Variants in POLK observed in about 807,000 individuals in gnomAD.
POLK encodes polymerase (DNA directed) kappa.
In POLK, 76 loss-of-function variants were observed where a neutral mutation model predicts 94.0. That is an observed-to-expected ratio of 0.81 (90% CI 0.67 to 0.98). The LOEUF is 0.98. POLK is among the 50% of genes least tolerant of loss of function. The pLI, the probability that POLK is intolerant of heterozygous loss-of-function variation, is 0.00. For missense variants in POLK, 954 were observed against 1,010.1 expected (o/e 0.94, Z 0.75); for synonymous variants, 349 against 325.4 (o/e 1.07, Z -0.78).
In POLK at chr5:75,534,930, A is replaced by T. The variant is rs1197268480; in HGVS notation, c.-13-12080A>T. On this transcript the variant is annotated intron_variant, in intron 1 of 14. Coordinates refer to ENST00000241436, the Ensembl canonical transcript of POLK. ...TGGATTTTGCTTCTTTATCCAAGTTATCATTCTGTCTTTTAATTGGGGTGT... is the reference window on the plus strand; with the variant it reads ...TGGATTTTGCTTCTTTATCCAAGTTTTCATTCTGTCTTTTAATTGGGGTGT... 3.3e-5 allele frequency: 5 copies of T among 152,278 alleles called. No individual in the cohort carries two copies. In the East Asian group the frequency reaches 7.7e-4, roughly 23 times the overall value. 9.4% of individuals were successfully genotyped at this position (152,278 alleles called of 1,614,324 possible). A position where few individuals can be genotyped will look rare whatever the true frequency, so the allele number is the denominator to read the frequency against.
At chr5:75,511,349 C>A (rs1157293973), upstream of POLK, 5 of 1,542,236 alleles carry the variant, frequency 3.2e-6, no homozygotes, top group African/African-American at 6.9e-5. Flanking sequence ...GGAGGAGGGA[C>A]GAAGTCCGCC....
Position 75,551,639 on chromosome 5 carries a change from TAAA to T in POLK, c.136-830_136-828del, listed in dbSNP as rs1272456504. Among the ~76,000 whole-genome samples the T allele has an allele frequency of 2.6e-5, 4 of 152,160 alleles. No homozygotes were observed. The East Asian group carries it at 5.8e-4, about 22-fold the overall frequency. Reference sequence around the variant, plus strand: ...TCAATATTATTAGTCATCAGGGAAATAAAAATTTAAAAACCACAAAGAGATGCC... The same window carrying T: ...TCAATATTATTAGTCATCAGGGAAATAATTTAAAAACCACAAAGAGATGCC... On this transcript the variant is annotated intron_variant, in intron 2 of 14. Transcript: ENST00000241436.
intron 1 of POLK, among the ~76,000 whole-genome samples, chr5:75,541,958 AAATG>A (rs1303695945): frequency 6.6e-6 from 1 of 152,216 alleles, no homozygotes; most frequent in Non-Finnish European, 1.5e-5. Flanking sequence ...CAATAAATGA[AAATG>A]AAAAAGGAAA....
At chr5:75,533,796 C>T (rs959618267) in intron 1 of POLK, among the ~76,000 whole-genome samples, 2 of 152,256 alleles carry the variant, frequency 1.3e-5, no homozygotes, top group Non-Finnish European at 2.9e-5. Context: ...CATTGTAGAG[C>T]TATTTCACCT....
intron 10 of POLK, among the ~76,000 whole-genome samples, chr5:75,587,953 T>C (rs1772559142): frequency 6.6e-6 from 1 of 152,074 alleles, no homozygotes; most frequent in Non-Finnish European, 1.5e-5. Context: ...AACACTGACC[T>C]AGTACAAGAT....
At chr5:75,524,112 G>A (rs1216742578) in intron 1 of POLK, among the ~76,000 whole-genome samples, 6 of 150,906 alleles carry the variant, frequency 4.0e-5, no homozygotes, top group Admixed American at 1.3e-4. Context: ...CCTGGGTGAC[G>A]AGTGAGACTC....
chr5:75,589,432 CACACACGT>C (rs1178216850), intron 10 of POLK, among the ~76,000 whole-genome samples: 4 of 146,316 alleles, frequency 2.7e-5, no homozygotes, highest in African/African-American at 5.0e-5. Flanking sequence ...CACACACACA[CACACACGT>C]GGAATATTTC....
At chr5:75,605,916 A>T (rs1461991238), downstream of POLK, among the ~76,000 whole-genome samples, 1 of 149,850 alleles carries the variant, frequency 6.7e-6, no homozygotes, top group African/African-American at 2.5e-5. Flanking sequence ...AGACACAGAG[A>T]CAAAGTATAG....
intron 3 of POLK, among the ~76,000 whole-genome samples, chr5:75,564,663 G>A (rs1771167849): frequency 1.3e-5 from 2 of 152,130 alleles, no homozygotes; most frequent in Admixed American, 1.3e-4. Flanking sequence ...TAATTTAGCT[G>A]GATATGAAAT....
intron 3 of POLK, among the ~76,000 whole-genome samples, chr5:75,566,142 TC>T (rs1183173781): frequency 6.6e-6 from 1 of 152,186 alleles, no homozygotes; most frequent in Non-Finnish European, 1.5e-5. Flanking sequence ...AGTTCGAACT[TC>T]CCACTGGGTT....
chr5:75,586,980 A>G lies in POLK; in HGVS notation c.1227-46A>G, dbSNP rs780723510. The stretch of plus-strand genomic sequence containing the variant: ...GTTAAATCCTCTTGGTTAACTAAAA[A>G]AAACTCAGTCTTTGAAAAATAAAGA... On this transcript the variant is annotated intron_variant, in intron 9 of 14. Coordinates refer to ENST00000241436, the Ensembl canonical transcript of POLK. 1.1e-4 allele frequency: 154 copies of G among 1,426,730 alleles called. No homozygotes were observed. In the Middle Eastern group the frequency reaches 1.2e-3, roughly 12 times the overall value. 88.4% of individuals were successfully genotyped at this position (1,426,730 alleles called of 1,614,324 possible). A position where few individuals can be genotyped will look rare whatever the true frequency, so the allele number is the denominator to read the frequency against.
intron 1 of POLK, among the ~76,000 whole-genome samples, chr5:75,518,140 G>C (rs1215556058): frequency 1.3e-5 from 2 of 152,120 alleles, no homozygotes; most frequent in African/African-American, 4.8e-5. Flanking sequence ...TGGCCTTGTA[G>C]AATGAGTTTG....
chr5:75,532,589 T>C (rs559342768), intron 1 of POLK, among the ~76,000 whole-genome samples: 18 of 152,346 alleles, frequency 1.2e-4, no homozygotes, highest in Admixed American at 1.1e-3. Flanking sequence ...GTATATTCCT[T>C]TGGATATATA....
chr5:75,595,269 A>AAAAAAAAAAAAAAAAAAAC (rs1773014643), intron 12 of POLK, among the ~76,000 whole-genome samples: 1 of 149,658 alleles, frequency 6.7e-6, no homozygotes, highest in Non-Finnish European at 1.5e-5. Flanking sequence ...AAAAAAAAAA[A>AAAAAAAAAAAAAAAAAAAC]AAAAGCCCAA....
chr5:75,597,530 G>A, intron 13 of POLK: 2 of 422,842 alleles, frequency 4.7e-6, no homozygotes, highest in Non-Finnish European at 4.2e-6. Flanking sequence ...TTTTTTGGTA[G>A]TGCTGACTCT....
intron 5 of POLK, among the ~76,000 whole-genome samples, 199 bp from the exon 6 acceptor site, chr5:75,576,581 G>A (rs1036785132): frequency 2.0e-5 from 3 of 151,910 alleles, no homozygotes; most frequent in Non-Finnish European, 4.4e-5. Context: ...CTGCCTTCAT[G>A]GTCTATTTTA....
Position 75,547,475 on chromosome 5 carries a change from T to C in POLK, c.135+318T>C, listed in dbSNP as rs773367075. Among the ~76,000 whole-genome samples, 69 of 152,142 alleles carry C rather than the reference T, an allele frequency of 4.5e-4. 1 individual carries two copies. The highest frequency in any genetic ancestry group is 7.5e-4 in the Non-Finnish European group (51 of 67,996). On this transcript the variant is annotated intron_variant, in intron 2 of 14. Coordinates refer to ENST00000241436, the Ensembl canonical transcript of POLK. ...TTTTTCAGTTAATATAACTTGGAGC[T>C]CTTTCTGTATAGGTAAATAAAGATC...
intron 1 of POLK, among the ~76,000 whole-genome samples, chr5:75,541,010 G>T (rs971233946): frequency 5.9e-5 from 9 of 152,140 alleles, no homozygotes; most frequent in African/African-American, 2.2e-4. Context: ...GAGGCTCGGC[G>T]CAGTGGCTCA....
At chr5:75,560,633 A>G (rs1770921889) in intron 3 of POLK, among the ~76,000 whole-genome samples, 1 of 152,114 alleles carries the variant, frequency 6.6e-6, no homozygotes, top group African/African-American at 2.4e-5. Flanking sequence ...CCCATCATCT[A>G]CATTAGGTAT....
Sources: allele counts gnomAD v4.1 joint callset (sites outside exome capture counted in the v4.1 genomes callset), GRCh38; gene constraint gnomAD v4.1.1; transcripts MANE v1.5; gene names NCBI Gene and HGNC (gene_info 2026-07-23, HGNC 2026-07-21).